Variants in COMMD1 observed in about 807,000 individuals in gnomAD.
The protein encoded by COMMD1 is copper metabolism domain containing 1.
COMMD1 carries 10 observed loss-of-function variants against 17.2 expected under a neutral mutation model. The observed-to-expected ratio is 0.58, with a 90% confidence interval of 0.36 to 0.99. The LOEUF is 0.99. Among genes scored for constraint, COMMD1 ranks in the 50% least tolerant of loss-of-function variants. The pLI, the probability that COMMD1 is intolerant of heterozygous loss-of-function variation, is 0.01. For missense variants in COMMD1, 270 were observed against 231.8 expected, an observed-to-expected ratio of 1.17 and a Z score of -1.07; for synonymous variants, 97 against 91.6, an observed-to-expected ratio of 1.06 and a Z score of -0.34.
At chr2:61,931,303 C>T (rs1670461566) in intron 1 of COMMD1, among the ~76,000 whole-genome samples, 1 of 152,016 alleles carries the variant, frequency 6.6e-6, no homozygotes, top group South Asian at 2.1e-4. Flanking sequence ...CAGAGTGAGA[C>T]CTTGTCTCAA....
intron 2 of COMMD1, among the ~76,000 whole-genome samples, chr2:62,108,996 C>T (rs1178571739): frequency 6.6e-6 from 1 of 152,180 alleles, no homozygotes; most frequent in African/African-American, 2.4e-5. Context: ...CCACTCCTTA[C>T]TCTCCCCATA....
At chr2:61,966,109 C>G (rs897700642) in intron 1 of COMMD1, among the ~76,000 whole-genome samples, 2 of 152,196 alleles carry the variant, frequency 1.3e-5, no homozygotes, top group Non-Finnish European at 2.9e-5. Flanking sequence ...CATAGGTGTT[C>G]TGTTACATGC....
At chr2:61,955,340 C>G (rs1572999042) in intron 1 of COMMD1, among the ~76,000 whole-genome samples, 1 of 148,286 alleles carries the variant, frequency 6.7e-6, no homozygotes, top group East Asian at 2.0e-4. Context: ...CTCTCTCTGT[C>G]TCTCTCGATG....
chr2:62,122,288 C>T (rs1223621772), intron 2 of COMMD1, among the ~76,000 whole-genome samples: 1 of 152,150 alleles, frequency 6.6e-6, no homozygotes, highest in African/African-American at 2.4e-5. Flanking sequence ...AATTAGTTCC[C>T]ATTCTACCCT....
intron 2 of COMMD1, among the ~76,000 whole-genome samples, chr2:62,032,114 T>G (rs1307247493): frequency 6.6e-6 from 1 of 152,240 alleles, no homozygotes; most frequent in African/African-American, 2.4e-5. Flanking sequence ...TATCTTGTAC[T>G]GAACATGTAG....
chr2:62,106,872 G>A (rs1048647348), intron 2 of COMMD1, among the ~76,000 whole-genome samples: 1 of 152,144 alleles, frequency 6.6e-6, no homozygotes, highest in Non-Finnish European at 1.5e-5. Flanking sequence ...ACAAAGGAAG[G>A]GTGGAGAAAA....
intron 2 of COMMD1, among the ~76,000 whole-genome samples, chr2:62,096,546 T>C (rs1672015375): frequency 6.6e-6 from 1 of 152,162 alleles, no homozygotes; most frequent in Non-Finnish European, 1.5e-5. Flanking sequence ...TCCCAGTGGA[T>C]TGGGTCCAGC....
At chr2:62,047,488 C>A (rs561452427) in intron 2 of COMMD1, among the ~76,000 whole-genome samples, 1 of 150,044 alleles carries the variant, frequency 6.7e-6, no homozygotes, top group African/African-American at 2.5e-5. Flanking sequence ...TTTTTTGAGA[C>A]GGAGTCTTTA....
At chr2:62,046,249 TC>T (rs1369671175) in intron 2 of COMMD1, among the ~76,000 whole-genome samples, 1 of 152,230 alleles carries the variant, frequency 6.6e-6, no homozygotes, top group African/African-American at 2.4e-5. Context: ...ATTCTAACTA[TC>T]CTTCAGCAAG....
chr2:61,905,640 G>A (rs552568247), upstream of COMMD1: 2 of 1,500,820 alleles, frequency 1.3e-6, no homozygotes, highest in East Asian at 4.9e-5. Context: ...CCGTGGCGGG[G>A]CACGGCTCAG....
At chr2:62,062,439 G>A (rs546163089) in intron 2 of COMMD1, among the ~76,000 whole-genome samples, 21 of 151,982 alleles carry the variant, frequency 1.4e-4, no homozygotes, top group African/African-American at 4.3e-4. Flanking sequence ...TGTTGGCCAG[G>A]CTGGTCGCCA....
intron 2 of COMMD1, among the ~76,000 whole-genome samples, chr2:62,016,056 C>T (rs577938999): frequency 2.6e-5 from 4 of 152,192 alleles, no homozygotes; most frequent in East Asian, 3.9e-4. Context: ...TGGTCTTGAA[C>T]GCCTGACCTC....
chr2:62,059,943 TG>T (rs34274605), intron 2 of COMMD1, among the ~76,000 whole-genome samples: 3 of 151,834 alleles, frequency 2.0e-5, no homozygotes, highest in Non-Finnish European at 4.4e-5. Flanking sequence ...TAATGAATTT[TG>T]GGGGGGGAAT....
intron 2 of COMMD1, among the ~76,000 whole-genome samples, chr2:62,013,953 A>G (rs1286248371): frequency 6.6e-6 from 1 of 152,244 alleles, no homozygotes; most frequent in Non-Finnish European, 1.5e-5. Flanking sequence ...AAAACTCTCA[A>G]CTTACAGAGA....
intron 2 of COMMD1, among the ~76,000 whole-genome samples, chr2:62,074,375 T>C (rs1671282010): frequency 6.6e-6 from 1 of 152,174 alleles, no homozygotes. Context: ...GGCCCACCCC[T>C]CATCCTGAGT....
At chr2:62,113,739 T>G (rs764978035) in intron 2 of COMMD1, among the ~76,000 whole-genome samples, 1 of 152,260 alleles carries the variant, frequency 6.6e-6, no homozygotes, top group Non-Finnish European at 1.5e-5. Flanking sequence ...GGATATAGTA[T>G]GTCCATTGTC....
intron 1 of COMMD1, among the ~76,000 whole-genome samples, chr2:61,996,313 A>C (rs1201669874): frequency 1.1e-5 from 1 of 87,134 alleles, no homozygotes; most frequent in East Asian, 4.1e-4. Context: ...TTGTTTTCTA[A>C]ATGTGTGTGT....
At chr2:62,004,452 C>T (rs1177415399) in intron 2 of COMMD1, among the ~76,000 whole-genome samples, 2 of 152,082 alleles carry the variant, frequency 1.3e-5, no homozygotes, top group South Asian at 2.1e-4. Flanking sequence ...CAGGTGCCTG[C>T]CACTGTGCCT....
At chr2:61,990,515 C>G (rs1672218802) in intron 1 of COMMD1, among the ~76,000 whole-genome samples, 2 of 152,042 alleles carry the variant, frequency 1.3e-5, no homozygotes, top group South Asian at 4.1e-4. Flanking sequence ...TAGTGAGCCC[C>G]TATGGATTAG....
Sources: gnomAD v4.1 joint callset for allele counts (sites outside exome capture counted in the v4.1 genomes callset) on GRCh38, gnomAD v4.1.1 for gene constraint, MANE v1.5 for transcripts, NCBI Gene and HGNC (gene_info 2026-07-23, HGNC 2026-07-21) for gene names.